Variants in TBC1D9 observed in about 807,000 individuals in gnomAD.
The protein encoded by TBC1D9 is TBC1 domain family member 9, also known as TBC1 domain family member 9A.
Under a neutral mutation model 132.0 loss-of-function variants are expected in TBC1D9, and 63 were observed. The observed-to-expected ratio is 0.48, with a 90% CI of 0.39 to 0.59. The LOEUF (loss-of-function observed/expected upper bound fraction) is 0.59. TBC1D9 is among the 20% of genes least tolerant of loss of function. TBC1D9 has a pLI of 0.00. For synonymous variants in TBC1D9, 610 were observed against 609.9 expected (o/e 1.00, Z 0.00); for missense variants, 1,261 against 1,592.7 (o/e 0.79, Z 3.54).
chr4:140,690,670 C>T (rs1040876716), intron 2 of TBC1D9, among the ~76,000 whole-genome samples: 1 of 152,042 alleles, frequency 6.6e-6, no homozygotes, highest in Admixed American at 6.5e-5. Context: ...TCGGTACTGC[C>T]AAAAGGGGTT....
chr4:140,667,221 AC>A (rs1260915686), intron 9 of TBC1D9, among the ~76,000 whole-genome samples: 1 of 152,106 alleles, frequency 6.6e-6, no homozygotes, highest in African/African-American at 2.4e-5. Context: ...TATCACCCCA[AC>A]AGAGGGCCGT....
chr4:140,663,835 T>C (rs1048770816), intron 9 of TBC1D9, among the ~76,000 whole-genome samples: 4 of 151,928 alleles, frequency 2.6e-5, no homozygotes, highest in African/African-American at 9.7e-5. Context: ...GAATCTAATA[T>C]AGTCAAACTC....
chr4:140,680,417 G>C (rs1188567672), intron 3 of TBC1D9, among the ~76,000 whole-genome samples: 1 of 152,124 alleles, frequency 6.6e-6, no homozygotes, highest in Non-Finnish European at 1.5e-5. Flanking sequence ...AGTTAGACAG[G>C]AAATGAAACA....
rs114490092 is a variant in TBC1D9, at chr4:140,687,491, T to A, written c.242-1029A>T. Among the ~76,000 whole-genome samples, 1,047 of 150,612 alleles carry A rather than the reference T, an allele frequency of 7.0e-3. 7 individuals are homozygous for A. Among genetic ancestry groups the A allele is most frequent in the African/African-American group, 0.024 (998 of 41,192 alleles). On this transcript the variant is annotated intron_variant, in intron 2 of 20. Coordinates refer to ENST00000442267, the MANE Select transcript of TBC1D9 (RefSeq NM_015130.3). ...GGATTCTCCTTCGATTTCCAAGTTA[T>A]ATTTTAATTGATTTCTTTAAAGTGT... is the stretch of plus-strand genomic sequence containing the variant.
chr4:140,640,447 T>TGGTGGGG (rs1736967546), intron 13 of TBC1D9, among the ~76,000 whole-genome samples: 1 of 108,004 alleles, frequency 9.3e-6, no homozygotes, highest in African/African-American at 3.4e-5. Flanking sequence ...GGTGGTGGGG[T>TGGTGGGG]GGGGGGGGGA....
In TBC1D9 at chr4:140,634,191, GA is replaced by G. The variant is rs772261033; in HGVS notation, c.2506-4del. On this transcript the variant is annotated splice_polypyrimidine_tract_variant and splice_region_variant and intron_variant, in intron 15 of 20. Transcript: ENST00000442267. The stretch of plus-strand genomic sequence containing the variant: ...TAGCAGCTGGTGAGATGTTCTGCCT[GA>G]AAAAGAATGGATGATCACTGGGGAC... 2 of 1,611,170 alleles carry G rather than the reference GA, an allele frequency of 1.2e-6. No homozygotes were observed. The highest frequency in any genetic ancestry group is 8.5e-7 in the Non-Finnish European group (1 of 1,179,544).
intron 1 of TBC1D9, among the ~76,000 whole-genome samples, chr4:140,744,797 C>T (rs578204059): frequency 6.7e-6 from 1 of 148,734 alleles, no homozygotes; most frequent in East Asian, 2.0e-4. Context: ...ACAGGAGAAT[C>T]GCTTGAACCT....
intron 9 of TBC1D9, among the ~76,000 whole-genome samples, chr4:140,666,663 A>G (rs564405242): frequency 1.1e-4 from 17 of 151,682 alleles, no homozygotes; most frequent in Non-Finnish European, 2.5e-4. Flanking sequence ...AATGGATAAA[A>G]GGTATGGGGT....
At chr4:140,708,709 G>T (rs1346057722) in intron 1 of TBC1D9, among the ~76,000 whole-genome samples, 1 of 152,144 alleles carries the variant, frequency 6.6e-6, no homozygotes, top group African/African-American at 2.4e-5. Flanking sequence ...CAATGTGAAG[G>T]TACATGTGAG....
At chr4:140,729,875 G>C (rs75606221) in intron 1 of TBC1D9, among the ~76,000 whole-genome samples, 1 of 142,054 alleles carries the variant, frequency 7.0e-6, no homozygotes, top group African/African-American at 2.6e-5. Flanking sequence ...CATTGAATCT[G>C]AGCAAACAAC....
chr4:140,658,876 A>T (rs915043506), intron 11 of TBC1D9, among the ~76,000 whole-genome samples: 3 of 152,128 alleles, frequency 2.0e-5, no homozygotes, highest in African/African-American at 7.2e-5. Flanking sequence ...TAAAACAATT[A>T]CTTTTTAAAA....
intron 9 of TBC1D9, among the ~76,000 whole-genome samples, chr4:140,667,844 C>A (rs146370868): frequency 2.6e-5 from 4 of 152,176 alleles, no homozygotes; most frequent in African/African-American, 9.7e-5. Flanking sequence ...CAGGATTATA[C>A]GTCCCTATTT....
chr4:140,676,875 A>G lies in TBC1D9; in HGVS notation c.1059+19T>C, dbSNP rs753382033. The stretch of plus-strand genomic sequence containing the variant: ...ATTACAAATGAAACTTAAAATATCA[A>G]TTTTTATCAGATACTTACCTCACGG... On this transcript the variant is annotated intron_variant, in intron 6 of 20. Transcript: ENST00000442267. The G allele has an allele frequency of 6.8e-6, 11 of 1,610,442 alleles. No individual in the cohort carries two copies. The highest frequency in any genetic ancestry group is 1.1e-5 in the South Asian group (1 of 90,244).
chr4:140,742,888 CAGGAGGAGGAGGAGG>C (rs78912702), intron 1 of TBC1D9, among the ~76,000 whole-genome samples: 9 of 150,274 alleles, frequency 6.0e-5, no homozygotes, highest in Non-Finnish European at 1.3e-4. Flanking sequence ...AGAGGAGGAG[CAGGAGGAGGAGGAGG>C]AGGAGGAGAA....
intron 6 of TBC1D9, among the ~76,000 whole-genome samples, chr4:140,676,055 C>T (rs987291589): frequency 6.6e-6 from 1 of 152,216 alleles, no homozygotes; most frequent in Non-Finnish European, 1.5e-5. Flanking sequence ...CTACTATTTC[C>T]TTGCCCTTTT....
At chr4:140,743,577 C>T (rs1738793078) in intron 1 of TBC1D9, among the ~76,000 whole-genome samples, 1 of 152,182 alleles carries the variant, frequency 6.6e-6, no homozygotes, top group African/African-American at 2.4e-5. Flanking sequence ...GTGCAAAGAG[C>T]CACCCTCAGG....
chr4:140,652,999 T>A lies in TBC1D9; in HGVS notation c.2337+4098A>T, dbSNP rs758883989. Among the ~76,000 whole-genome samples, 6 of 152,318 alleles carry A rather than the reference T, an allele frequency of 3.9e-5. No homozygotes were observed. The East Asian group carries it at 7.7e-4, about 20-fold the overall frequency. ...CCTCTTGTGCCTTCCAGGAGGGGCA[T>A]CTCAGTCTATGAATCAAACTTTAAG... On this transcript the variant is annotated intron_variant, in intron 13 of 20. Transcript: ENST00000442267.
At chr4:140,642,596 T>C (rs1021169397) in intron 13 of TBC1D9, 3 of 879,158 alleles carry the variant, frequency 3.4e-6, no homozygotes, top group Non-Finnish European at 3.7e-6. Context: ...GCTGTCCATC[T>C]TCTTCTTCTT....
chr4:140,735,595 C>T (rs936048643), intron 1 of TBC1D9, among the ~76,000 whole-genome samples: 2 of 152,104 alleles, frequency 1.3e-5, no homozygotes, highest in African/African-American at 4.8e-5. Context: ...GTCTGTACTC[C>T]CAGCTACCTG....
Sources: allele counts gnomAD v4.1 joint callset (sites outside exome capture counted in the v4.1 genomes callset), GRCh38; gene constraint gnomAD v4.1.1; transcripts MANE v1.5; gene names NCBI Gene and HGNC (gene_info 2026-07-23, HGNC 2026-07-21).